The following ANKS1B variants were observed in gnomAD, a reference collection of about 807,000 sequenced individuals.
ANKS1B encodes ankyrin repeat and sterile alpha motif domain-containing protein 1B.
In ANKS1B, 36 loss-of-function variants were observed where a neutral mutation model predicts 148.3. The ratio of observed to expected loss-of-function variants is 0.24; its 90% CI spans 0.19 to 0.32. The LOEUF is 0.32. Among genes scored for constraint, ANKS1B ranks in the 10% least tolerant of loss-of-function variants. The pLI is 1.00. For missense variants in ANKS1B, 1,157 were observed against 1,542.6 expected, an observed-to-expected ratio of 0.75 and a Z score of 4.19; for synonymous variants, 542 against 560.8, an observed-to-expected ratio of 0.97 and a Z score of 0.47.
At chr12:99,947,983 G>C (rs1043598779) in intron 1 of ANKS1B, among the ~76,000 whole-genome samples, 18 of 152,130 alleles carry the variant, frequency 1.2e-4, no homozygotes, top group African/African-American at 3.6e-4. Context: ...ATAGCAGCTA[G>C]AAACAAATCT....
chr12:99,058,899 G>A (rs1405267265), intron 16 of ANKS1B, among the ~76,000 whole-genome samples: 3 of 150,790 alleles, frequency 2.0e-5, no homozygotes, highest in East Asian at 3.9e-4. Flanking sequence ...TACCACGCCC[G>A]GCTAATTTTT....
chr12:99,771,891 G>A (rs538669126), intron 8 of ANKS1B, among the ~76,000 whole-genome samples: 2 of 152,108 alleles, frequency 1.3e-5, no homozygotes, highest in African/African-American at 2.4e-5. Context: ...TTAAGTAAAT[G>A]TTCTCATAAT....
downstream of ANKS1B, among the ~76,000 whole-genome samples, chr12:98,741,871 G>A (rs2097801414): frequency 6.6e-6 from 1 of 152,224 alleles, no homozygotes; most frequent in South Asian, 2.1e-4. Flanking sequence ...GTGTCTTACT[G>A]CCACTTGAGA....
intron 14 of ANKS1B, among the ~76,000 whole-genome samples, chr12:99,228,636 G>A (rs1287623262): frequency 6.6e-6 from 1 of 151,944 alleles, no homozygotes; most frequent in Non-Finnish European, 1.5e-5. Flanking sequence ...CATAAAAATT[G>A]AATGTGCACA....
intron 11 of ANKS1B, among the ~76,000 whole-genome samples, chr12:99,421,712 G>C (rs1055491563): frequency 6.6e-6 from 1 of 152,156 alleles, no homozygotes; most frequent in Non-Finnish European, 1.5e-5. Flanking sequence ...TTAGTCATTA[G>C]ACATATTTTG....
chr12:99,928,466 G>C (rs2094531037), intron 1 of ANKS1B, among the ~76,000 whole-genome samples: 1 of 151,424 alleles, frequency 6.6e-6, no homozygotes, highest in Admixed American at 6.6e-5. Flanking sequence ...TTTTAGTAGA[G>C]ACGGGGTTTC....
chr12:99,748,851 GTAATACTGTGATGTAGTAACC>G (rs2060843088), intron 8 of ANKS1B, among the ~76,000 whole-genome samples: 1 of 152,174 alleles, frequency 6.6e-6, no homozygotes, highest in South Asian at 2.1e-4. Flanking sequence ...CAAAATTCAG[GTAATACTGTGATGTAGTAACC>G]TAATGTTTCC....
At chr12:99,780,014 G>C in intron 5 of ANKS1B, 42 bp from the exon 6 acceptor site, 1 of 1,323,084 alleles carries the variant, frequency 7.6e-7, no homozygotes. Context: ...CACCACTGAA[G>C]TATCCTCAAA....
intron 11 of ANKS1B, among the ~76,000 whole-genome samples, chr12:99,409,842 T>C (rs2094633230): frequency 6.6e-6 from 1 of 152,150 alleles, no homozygotes; most frequent in Non-Finnish European, 1.5e-5. Flanking sequence ...CCATTCAGTA[T>C]AAAAAAGAAA....
chr12:99,347,476 T>G (rs984877364), intron 12 of ANKS1B, among the ~76,000 whole-genome samples: 1 of 151,830 alleles, frequency 6.6e-6, no homozygotes, highest in Non-Finnish European at 1.5e-5. Flanking sequence ...GAAGGCAGAG[T>G]TGTAAACTGC....
At chr12:99,140,521 G>A (rs2070303933) in intron 15 of ANKS1B, among the ~76,000 whole-genome samples, 2 of 152,130 alleles carry the variant, frequency 1.3e-5, no homozygotes, top group Admixed American at 6.6e-5. Flanking sequence ...AATGGAACAG[G>A]CACTCTTGTC....
intron 17 of ANKS1B, among the ~76,000 whole-genome samples, chr12:98,880,762 C>T (rs11109645): frequency 0.11 from 16,788 of 151,466 alleles, 1,337 homozygotes; most frequent in East Asian, 0.37. Flanking sequence ...AGCGAGACTC[C>T]GTCTCAAAAA....
chr12:99,630,097 G>A (rs746640243), intron 9 of ANKS1B, among the ~76,000 whole-genome samples: 5 of 151,890 alleles, frequency 3.3e-5, no homozygotes, highest in Non-Finnish European at 7.4e-5. Context: ...ATATCAGATA[G>A]GACAAATAAT....
intron 15 of ANKS1B, among the ~76,000 whole-genome samples, chr12:99,147,249 A>T (rs1260856864): frequency 6.6e-6 from 1 of 152,148 alleles, no homozygotes; most frequent in East Asian, 1.9e-4. Flanking sequence ...AGCTAAAAAA[A>T]GTGACAAGTA....
chr12:99,226,443 T>G (rs761129279), intron 14 of ANKS1B, among the ~76,000 whole-genome samples: 2 of 152,190 alleles, frequency 1.3e-5, no homozygotes, highest in African/African-American at 4.8e-5. Flanking sequence ...TAGTGGAATT[T>G]TCTATGGAAA....
intron 10 of ANKS1B, among the ~76,000 whole-genome samples, chr12:99,474,967 T>TGG (rs1320828919): frequency 2.0e-5 from 3 of 151,852 alleles, no homozygotes; most frequent in Non-Finnish European, 1.5e-5. Context: ...CTGGGTGGGG[T>TGG]GGCTCATGCC....
chr12:99,234,917 A>G (rs530802491), intron 14 of ANKS1B, among the ~76,000 whole-genome samples: 6 of 152,288 alleles, frequency 3.9e-5, no homozygotes, highest in Admixed American at 2.0e-4. Flanking sequence ...GTAATTCACA[A>G]CTAGCCTAAT....
At chr12:99,667,542 T>C (rs2098515594) in intron 8 of ANKS1B, among the ~76,000 whole-genome samples, 1 of 152,088 alleles carries the variant, frequency 6.6e-6, no homozygotes, top group Admixed American at 6.6e-5. Context: ...GAATAAAGAG[T>C]TTTACTTTTC....
At chr12:98,978,897 A>G (rs769264551) in intron 17 of ANKS1B, among the ~76,000 whole-genome samples, 5 of 152,100 alleles carry the variant, frequency 3.3e-5, no homozygotes, top group African/African-American at 1.2e-4. Context: ...TAATCCCAGC[A>G]TTTTGGGAGG....
Sources: gnomAD v4.1 joint callset for allele counts (sites outside exome capture counted in the v4.1 genomes callset) on GRCh38, gnomAD v4.1.1 for gene constraint, MANE v1.5 for transcripts, NCBI Gene and HGNC (gene_info 2026-07-23, HGNC 2026-07-21) for gene names.